The following ACAD10 variants were observed in gnomAD, a reference collection of about 807,000 sequenced individuals.
ACAD10 encodes ACAD-10.
ACAD10 carries 112 observed loss-of-function variants against 116.8 expected under a neutral mutation model. The observed-to-expected ratio is 0.96, with a 90% CI of 0.82 to 1.12. The LOEUF (loss-of-function observed/expected upper bound fraction) is 1.12, where lower values mean the gene tolerates loss of function less well. Among genes scored for constraint, ACAD10 ranks in the 50% most tolerant of loss-of-function variants. The probability of loss-of-function intolerance (pLI) is 0.00; values close to 1 mark genes in which losing one functional copy is unlikely to be tolerated. For missense variants in ACAD10, 1,259 were observed against 1,350.2 expected, an observed-to-expected ratio of 0.93 and a Z score of 1.06; for synonymous variants, 486 against 510.6, an observed-to-expected ratio of 0.95 and a Z score of 0.65.
chr12:111,696,593 A>G (rs913679731), intron 2 of ACAD10, among the ~76,000 whole-genome samples: 1 of 152,186 alleles, frequency 6.6e-6, no homozygotes, highest in Non-Finnish European at 1.5e-5. Context: ...CAGGGTCCGT[A>G]ATGCTTTCAA....
intron 18 of ACAD10, among the ~76,000 whole-genome samples, chr12:111,750,104 T>G (rs916245335): frequency 2.0e-5 from 3 of 148,504 alleles, no homozygotes; most frequent in Non-Finnish European, 3.0e-5. Flanking sequence ...TGTTTTTTTT[T>G]TTTTTGAGAC....
chr12:111,710,046 A>G (rs1237188639), intron 5 of ACAD10: 1 of 334,360 alleles, frequency 3.0e-6, no homozygotes, highest in Non-Finnish European at 5.7e-6. Flanking sequence ...GCTGTAAAGC[A>G]CGAGAAGCCA....
intron 8 of ACAD10, among the ~76,000 whole-genome samples, chr12:111,724,721 T>C (rs1457656858): frequency 1.3e-5 from 2 of 151,698 alleles, no homozygotes; most frequent in African/African-American, 4.8e-5. Context: ...GCAGGGAGGT[T>C]GCAGTGAGCT....
In ACAD10 at chr12:111,755,701, G is replaced by A; in HGVS notation, c.2995G>A (p.Val999Ile). ...AALDIAMIKM[V>I]APSMASRVID... ...CTTGGATATAGCCATGATTAAAATG[G>A]TCGCCCCGTCCATGGCCTCCCGAGT... Residue 999 changes from valine to isoleucine, a missense_variant, in exon 20 of 21, where the codon GTC becomes ATC. Transcript: ENST00000313698. The A allele has an allele frequency of 8.7e-6, 14 of 1,613,826 alleles. No individual in the cohort carries two copies. The highest frequency in any genetic ancestry group is 1.1e-5 in the Non-Finnish European group (13 of 1,179,940).
At chr12:111,706,160 G>A (rs1245644644) in intron 4 of ACAD10, among the ~76,000 whole-genome samples, 1 of 152,180 alleles carries the variant, frequency 6.6e-6, no homozygotes, top group Non-Finnish European at 1.5e-5. Flanking sequence ...TGACACTTCA[G>A]CTTTACATTC....
chr12:111,729,999 T>A (rs1405440414), intron 10 of ACAD10, 43 bp downstream of exon 10: 7 of 1,600,310 alleles, frequency 4.4e-6, no homozygotes, highest in African/African-American at 1.3e-5. Context: ...ACAGCAAGGA[T>A]GCTCCAAGGG....
intron 8 of ACAD10, among the ~76,000 whole-genome samples, chr12:111,722,287 C>G (rs1806489085): frequency 6.6e-6 from 1 of 152,232 alleles, no homozygotes; most frequent in South Asian, 2.1e-4. Flanking sequence ...TGGTCTCCAA[C>G]TCCTGACCTC....
intron 10 of ACAD10, among the ~76,000 whole-genome samples, chr12:111,731,215 G>A (rs538078970): frequency 6.6e-6 from 1 of 152,362 alleles, no homozygotes; most frequent in Admixed American, 6.5e-5. Context: ...TCTGAGAGTG[G>A]ACAGCTGAGC....
chr12:111,704,834 C>T (rs948175096), intron 3 of ACAD10, among the ~76,000 whole-genome samples: 11 of 150,018 alleles, frequency 7.3e-5, no homozygotes, highest in African/African-American at 2.2e-4. Flanking sequence ...ACTACAGGTG[C>T]GTGCCACCAC....
chr12:111,756,115 G>A, intron 20 of ACAD10: 1 of 1,414,734 alleles, frequency 7.1e-7, no homozygotes. Flanking sequence ...CAGGGCAGAA[G>A]GCACCTGCAG....
chr12:111,742,346 G>A (rs1162466731), intron 12 of ACAD10, among the ~76,000 whole-genome samples: 1 of 152,170 alleles, frequency 6.6e-6, no homozygotes, highest in African/African-American at 2.4e-5. Context: ...CGAGGAATAA[G>A]GAATAAGCCC....
chr12:111,744,616 T>G, intron 12 of ACAD10, 27 bp from the exon 13 acceptor site: 1 of 1,592,994 alleles, frequency 6.3e-7, no homozygotes, highest in Non-Finnish European at 8.6e-7. Flanking sequence ...GTGGGAGTAA[T>G]CACTGTTTTT....
rs780134332 is a variant in ACAD10, at chr12:111,753,706, G to GC, written c.2818-61dup. ...TTCCACCCAGCTCTGCAGGCCACCA[G>GC]CCCCCGCCTCTCGTGGCCACCCCCA... On this transcript the variant is annotated intron_variant, in intron 18 of 20. Coordinates refer to ENST00000313698, the MANE Select transcript of ACAD10 (RefSeq NM_025247.6). 3.7e-6 allele frequency: 6 copies of GC among 1,610,436 alleles called. No homozygotes were observed. The East Asian group carries it at 1.3e-4, about 36-fold the overall frequency.
chr12:111,728,519 C>T (rs1889290204), intron 9 of ACAD10, among the ~76,000 whole-genome samples: 1 of 152,046 alleles, frequency 6.6e-6, no homozygotes, highest in Non-Finnish European at 1.5e-5. Flanking sequence ...ACCCTTTCCC[C>T]TAAATATTCT....
intron 18 of ACAD10, chr12:111,753,301 T>A: frequency 2.8e-6 from 1 of 354,904 alleles, no homozygotes; most frequent in East Asian, 7.4e-5. Context: ...GAGACGGGGC[T>A]GAGGGGACCT....
intron 11 of ACAD10, among the ~76,000 whole-genome samples, chr12:111,734,907 G>A (rs755922745): frequency 6.6e-6 from 1 of 152,116 alleles, no homozygotes. Flanking sequence ...TTTAATGAGA[G>A]CATATAATTT....
At chr12:111,755,255 A>G (rs1890177576) in intron 19 of ACAD10, among the ~76,000 whole-genome samples, 1 of 152,156 alleles carries the variant, frequency 6.6e-6, no homozygotes, top group Non-Finnish European at 1.5e-5. Flanking sequence ...GGTGTGCACC[A>G]TCACGCCCAG....
At chr12:111,714,583 T>C (rs1888787616) in intron 6 of ACAD10, among the ~76,000 whole-genome samples, 1 of 148,796 alleles carries the variant, frequency 6.7e-6, no homozygotes, top group Admixed American at 6.7e-5. Context: ...AATCGCTTGA[T>C]CCCAGGAAGC....
intron 18 of ACAD10, among the ~76,000 whole-genome samples, chr12:111,751,456 C>T (rs1419139283): frequency 1.3e-5 from 2 of 152,130 alleles, no homozygotes; most frequent in African/African-American, 2.4e-5. Context: ...TAAGGCTGGG[C>T]GCGGTGGCTA....
Sources: gnomAD v4.1 joint callset for allele counts (sites outside exome capture counted in the v4.1 genomes callset) on GRCh38, gnomAD v4.1.1 for gene constraint, MANE v1.5 for transcripts, NCBI Gene and HGNC (gene_info 2026-07-23, HGNC 2026-07-21) for gene names.